Variants in GASK1B observed in about 807,000 individuals in gnomAD.
GASK1B encodes Golgi-associated kinase 1B.
GASK1B carries 34 observed loss-of-function variants against 42.8 expected under a neutral mutation model. The ratio of observed to expected loss-of-function variants is 0.79; its 90% CI spans 0.60 to 1.06. The LOEUF (loss-of-function observed/expected upper bound fraction) is 1.06. Ranked by LOEUF, GASK1B falls within the 50% of genes least tolerant of loss-of-function variation. The pLI is 0.00. For synonymous variants in GASK1B, 262 were observed against 259.1 expected (o/e 1.01, Z -0.11); for missense variants, 686 against 661.0 (o/e 1.04, Z -0.42).
intron 3 of GASK1B, among the ~76,000 whole-genome samples, chr4:158,134,723 GT>G (rs933462797): frequency 6.6e-6 from 1 of 151,926 alleles, no homozygotes; most frequent in Non-Finnish European, 1.5e-5. Context: ...TTCTTCTAAA[GT>G]TTTTTTTAAT....
At chr4:158,165,141 A>C (rs1016280713) in intron 2 of GASK1B, among the ~76,000 whole-genome samples, 3 of 152,224 alleles carry the variant, frequency 2.0e-5, no homozygotes, top group Non-Finnish European at 2.9e-5. Context: ...AAAATAGTAC[A>C]ATGCTTAAAT....
In GASK1B at chr4:158,125,881, T is replaced by A. The variant is rs771728846; in HGVS notation, c.*1526A>T. On this transcript the variant is annotated 3_prime_UTR_variant, in exon 5 of 5. Transcript: ENST00000585682. ...TTTGACATTTTGTTCTACAATTGTA[T>A]CAATTAGATCTATAGATTTTTTTTT... The A allele has an allele frequency of 4.6e-5, 7 of 152,136 alleles. No individual in the cohort carries two copies. The highest frequency in any genetic ancestry group is 7.4e-5 in the Non-Finnish European group (5 of 68,004). 9.4% of individuals were successfully genotyped at this position (152,136 alleles called of 1,614,324 possible).
chr4:158,150,454 C>T (rs1731515194), intron 3 of GASK1B, among the ~76,000 whole-genome samples: 1 of 152,188 alleles, frequency 6.6e-6, no homozygotes, highest in East Asian at 1.9e-4. Context: ...CTCTATCACC[C>T]CAATAGAACT....
chr4:158,147,860 A>C (rs1024685072), intron 3 of GASK1B, among the ~76,000 whole-genome samples: 2 of 152,208 alleles, frequency 1.3e-5, no homozygotes, highest in Admixed American at 1.3e-4. Flanking sequence ...TACAGAATGC[A>C]ATAAAAAAGC....
chr4:158,170,996 G>C lies in GASK1B; in HGVS notation c.380C>G (p.Pro127Arg). 6.2e-7 allele frequency: 1 copy of C among 1,614,196 alleles called. No homozygotes were observed. The highest frequency in any genetic ancestry group is 8.5e-7 in the Non-Finnish European group (1 of 1,180,030). Reference sequence around the variant, plus strand: ...CACTGCATGCTTTTTCCTGCGCTTGGGCTTCACGGTGCCACGGATATTGGC... The same window carrying C: ...CACTGCATGCTTTTTCCTGCGCTTGCGCTTCACGGTGCCACGGATATTGGC... Reference protein sequence around the residue: ...KPANIRGTVKPKRRKKHAVAS... With the variant: ...KPANIRGTVKRKRRKKHAVAS... Residue 127 changes from proline to arginine, a missense_variant, in exon 2 of 5, where the codon CCC becomes CGC. Transcript: ENST00000585682.
intron 2 of GASK1B, among the ~76,000 whole-genome samples, chr4:158,163,756 C>G (rs1192939169): frequency 6.6e-6 from 1 of 152,054 alleles, no homozygotes; most frequent in East Asian, 1.9e-4. Flanking sequence ...CCCAGGTCAC[C>G]TAGCTAGCAA....
In GASK1B at chr4:158,171,465, G is replaced by C; in HGVS notation, c.-90C>G. ...GCATGGTTTCCTGACTTCAGCTGCC[G>C]CGTCCGCTTCGGGATATAAGTGGTC... On this transcript the variant is annotated 5_prime_UTR_variant, in exon 2 of 5. Transcript: ENST00000585682. 7.1e-7 allele frequency: 1 copy of C among 1,410,032 alleles called. No homozygotes were observed. The highest frequency in any genetic ancestry group is 9.4e-7 in the Non-Finnish European group (1 of 1,064,892). The allele number at this position is 1,410,032 out of a possible 1,614,324, so 87.3% of individuals were successfully genotyped here. A position where few individuals can be genotyped will look rare whatever the true frequency, so the allele number is the denominator to read the frequency against.
At chr4:158,134,028 T>G (rs1013863693) in intron 3 of GASK1B, among the ~76,000 whole-genome samples, 3 of 152,188 alleles carry the variant, frequency 2.0e-5, no homozygotes, top group Admixed American at 2.0e-4. Context: ...GTAAATTACG[T>G]CTTTGTATTA....
At chr4:158,145,213 G>A (rs771704116) in intron 3 of GASK1B, among the ~76,000 whole-genome samples, 1 of 151,964 alleles carries the variant, frequency 6.6e-6, no homozygotes, top group Non-Finnish European at 1.5e-5. Context: ...ACCATTAAGT[G>A]GGAAAAAAAT....
chr4:158,125,223 C>A lies in GASK1B; in HGVS notation c.*2184G>T, dbSNP rs1202306786. ...AAAAAGCAAAGGTGACTAAAATAAACATGTTCCTGGGACTTTCATTTAATA... is the reference window on the plus strand; with the variant it reads ...AAAAAGCAAAGGTGACTAAAATAAAAATGTTCCTGGGACTTTCATTTAATA... On this transcript the variant is annotated 3_prime_UTR_variant, in exon 5 of 5. Transcript: ENST00000585682. 1.3e-5 allele frequency: 2 copies of A among 152,112 alleles called. No individual in the cohort carries two copies. Among genetic ancestry groups the A allele is most frequent in the Non-Finnish European group, 2.9e-5 (2 of 68,010 alleles). 9.4% of individuals were successfully genotyped at this position (152,112 alleles called of 1,614,324 possible).
chr4:158,148,732 G>A (rs1436101418), intron 3 of GASK1B, among the ~76,000 whole-genome samples: 1 of 152,030 alleles, frequency 6.6e-6, no homozygotes, highest in Non-Finnish European at 1.5e-5. Context: ...AGGCAGAGGG[G>A]GCAAGAGATT....
At chr4:158,141,964 G>T in intron 3 of GASK1B, among the ~76,000 whole-genome samples, 1 of 68,368 alleles carries the variant, frequency 1.5e-5, no homozygotes, top group East Asian at 4.8e-4. Context: ...TTGAGACGGA[G>T]TCTCGCTCTG....
chr4:158,167,862 A>G (rs190892401), intron 2 of GASK1B, among the ~76,000 whole-genome samples: 1 of 152,184 alleles, frequency 6.6e-6, no homozygotes, highest in Non-Finnish European at 1.5e-5. Flanking sequence ...GCAGTGCCCT[A>G]GAAGAAAGCT....
intron 3 of GASK1B, among the ~76,000 whole-genome samples, chr4:158,145,529 CCT>C (rs1291687427): frequency 6.6e-6 from 1 of 152,158 alleles, no homozygotes; most frequent in Non-Finnish European, 1.5e-5. Flanking sequence ...TGCTAAAATT[CCT>C]CTTTCTTATA....
chr4:158,167,392 A>G (rs1378851324), intron 2 of GASK1B, among the ~76,000 whole-genome samples: 2 of 152,240 alleles, frequency 1.3e-5, no homozygotes, highest in African/African-American at 4.8e-5. Context: ...TAAGGAGGCT[A>G]CCAAAAACAT....
At chr4:158,148,345 G>C (rs566217691) in intron 3 of GASK1B, among the ~76,000 whole-genome samples, 1 of 152,286 alleles carries the variant, frequency 6.6e-6, no homozygotes, top group South Asian at 2.1e-4. Context: ...ACTTCCCACA[G>C]TTGGTAAGAG....
rs1731965265 is a variant in GASK1B at position 158,160,956 on chromosome 4, AG to A, written c.911-5132del. 2.0e-5 allele frequency among the ~76,000 whole-genome samples: 3 copies of A among 152,090 alleles called. No individual in the cohort carries two copies. The South Asian group carries it at 6.2e-4, about 32-fold the overall frequency. On this transcript the variant is annotated intron_variant, in intron 2 of 4. Transcript: ENST00000585682. ...AATGGTGGCTACCAGAGGCTGGGAGAGGGGGTTAGATGGGAAAAGTGTTGAT... is the reference window on the plus strand; with the variant it reads ...AATGGTGGCTACCAGAGGCTGGGAGAGGGGTTAGATGGGAAAAGTGTTGAT...
At chr4:158,138,418 T>C (rs566966146) in intron 3 of GASK1B, among the ~76,000 whole-genome samples, 1 of 152,316 alleles carries the variant, frequency 6.6e-6, no homozygotes, top group South Asian at 2.1e-4. Flanking sequence ...TATTAGGCAA[T>C]AAATTTAACA....
intron 2 of GASK1B, chr4:158,159,589 T>A (rs1374082113): frequency 2.7e-6 from 1 of 364,598 alleles, no homozygotes; most frequent in South Asian, 2.0e-5. Context: ...AGTACTGGAC[T>A]CTCTAGAGAA....
Sources: allele counts gnomAD v4.1 joint callset (sites outside exome capture counted in the v4.1 genomes callset), GRCh38; gene constraint gnomAD v4.1.1; transcripts MANE v1.5; gene names NCBI Gene and HGNC (gene_info 2026-07-23, HGNC 2026-07-21).